Variants in NRXN3 observed in about 807,000 individuals in gnomAD.
NRXN3 encodes the protein neurexin III.
NRXN3 carries 32 observed loss-of-function variants against 137.6 expected under a neutral mutation model. That is an observed-to-expected ratio of 0.23 (90% CI 0.18 to 0.31). The LOEUF is 0.31. Ranked by LOEUF, NRXN3 falls within the 10% of genes least tolerant of loss-of-function variation. The pLI, the probability that NRXN3 is intolerant of heterozygous loss-of-function variation, is 1.00. For missense variants in NRXN3, 1,574 were observed against 2,062.5 expected, an observed-to-expected ratio of 0.76 and a Z score of 4.59; for synonymous variants, 798 against 784.5, an observed-to-expected ratio of 1.02 and a Z score of -0.29.
intron 10 of NRXN3, among the ~76,000 whole-genome samples, chr14:78,913,114 A>G (rs2099243927): frequency 6.6e-6 from 1 of 152,102 alleles, no homozygotes. Flanking sequence ...TACAATCTTG[A>G]TAAGATCTAC....
chr14:79,313,944 T>C (rs958735153), intron 15 of NRXN3: 2 of 147,110 alleles, frequency 1.4e-5, no homozygotes, highest in African/African-American at 5.1e-5. Context: ...CTCGTCAAAA[T>C]CATTCTCCAT....
At chr14:78,943,072 A>G (rs1041146289) in intron 10 of NRXN3, among the ~76,000 whole-genome samples, 1 of 152,158 alleles carries the variant, frequency 6.6e-6, no homozygotes, top group Admixed American at 6.5e-5. Flanking sequence ...CAAAAATTAA[A>G]TTGGAGTTAT....
chr14:78,434,630 G>C (rs2094000444), intron 4 of NRXN3, among the ~76,000 whole-genome samples: 1 of 152,138 alleles, frequency 6.6e-6, no homozygotes, highest in African/African-American at 2.4e-5. Context: ...CAAAGGTGAG[G>C]GTCATTGGAG....
At chr14:78,799,823 T>G (rs2098833176) in intron 8 of NRXN3, among the ~76,000 whole-genome samples, 1 of 152,048 alleles carries the variant, frequency 6.6e-6, no homozygotes, top group Non-Finnish European at 1.5e-5. Flanking sequence ...TATAAAACCA[T>G]CAGATCTTAT....
intron 15 of NRXN3, among the ~76,000 whole-genome samples, chr14:79,353,132 A>T (rs1165870009): frequency 6.6e-6 from 1 of 152,108 alleles, no homozygotes; most frequent in East Asian, 1.9e-4. Context: ...CAAATATTTC[A>T]ATACTAATTT....
intron 4 of NRXN3, among the ~76,000 whole-genome samples, chr14:78,566,959 A>G (rs552028216): frequency 5.9e-5 from 9 of 152,304 alleles, no homozygotes; most frequent in African/African-American, 2.2e-4. Flanking sequence ...GGATTGCTTG[A>G]ATCCTCAGAG....
chr14:78,201,506 C>T (rs534242077), intron 1 of NRXN3, among the ~76,000 whole-genome samples: 13 of 152,224 alleles, frequency 8.5e-5, no homozygotes, highest in South Asian at 2.1e-4. Context: ...CTTCCTTGGC[C>T]GTAGACACTG....
chr14:78,503,677 C>T (rs557959363), intron 4 of NRXN3, among the ~76,000 whole-genome samples: 30 of 152,126 alleles, frequency 2.0e-4, no homozygotes, highest in Non-Finnish European at 3.5e-4. Context: ...TTCATTCTTC[C>T]TGACCAGAGG....
At chr14:78,738,177 C>T (rs900739577) in intron 8 of NRXN3, among the ~76,000 whole-genome samples, 1 of 152,210 alleles carries the variant, frequency 6.6e-6, no homozygotes, top group Admixed American at 6.5e-5. Flanking sequence ...TAAACATTCA[C>T]GTCTTCGTTC....
In NRXN3 at chr14:79,680,018, T is replaced by C. The variant is rs1411063825; in HGVS notation, c.3617-12155T>C. Among the ~76,000 whole-genome samples the C allele has an allele frequency of 2.0e-5, 3 of 152,156 alleles. No homozygotes were observed. In the East Asian group the frequency reaches 5.8e-4, roughly 29 times the overall value. ...CTTGATCATTTTGGGGTCTTTACTCTAGAGTCTATCTTTGCTCTAGAGTCT... is the reference window on the plus strand; with the variant it reads ...CTTGATCATTTTGGGGTCTTTACTCCAGAGTCTATCTTTGCTCTAGAGTCT... On this transcript the variant is annotated intron_variant, in intron 17 of 20. Coordinates refer to ENST00000335750, the MANE Select transcript of NRXN3 (RefSeq NM_001330195.2).
At chr14:79,225,363 G>T (rs888580992) in intron 15 of NRXN3, among the ~76,000 whole-genome samples, 6 of 152,074 alleles carry the variant, frequency 3.9e-5, no homozygotes, top group Admixed American at 3.9e-4. Flanking sequence ...TTCCCTACTT[G>T]GCCATAGGAT....
intron 15 of NRXN3, among the ~76,000 whole-genome samples, chr14:79,107,525 G>C (rs1392579672): frequency 3.3e-5 from 5 of 152,150 alleles, no homozygotes; most frequent in Non-Finnish European, 7.3e-5. Flanking sequence ...TTTATATTTT[G>C]AAAGGGTACT....
At chr14:78,908,499 TCTC>T in intron 10 of NRXN3, among the ~76,000 whole-genome samples, 1 of 152,068 alleles carries the variant, frequency 6.6e-6, no homozygotes, top group Non-Finnish European at 1.5e-5. Flanking sequence ...TCAAATCTGT[TCTC>T]ATAGCAATTA....
Position 79,516,161 on chromosome 14 carries a change from T to A in NRXN3, c.3444+48759T>A, listed in dbSNP as rs531769067. Among the ~76,000 whole-genome samples, 3 of 152,288 alleles carry A rather than the reference T, an allele frequency of 2.0e-5. No homozygotes were observed. The East Asian group carries it at 5.8e-4, about 29-fold the overall frequency. On this transcript the variant is annotated intron_variant, in intron 16 of 20. Coordinates refer to ENST00000335750, the MANE Select transcript of NRXN3 (RefSeq NM_001330195.2). ...GCAGATCAATTAAAGTCATTAGCGC[T>A]CCATCTAATGAATGTTGATTTCCAT... is the stretch of plus-strand genomic sequence containing the variant.
rs569682909 is a variant in NRXN3 at position 79,697,969 on chromosome 14, G to A, written c.4014+32G>A. The A allele has an allele frequency of 2.4e-5, 37 of 1,573,906 alleles. No homozygotes were observed. The African/African-American group carries it at 3.9e-4, about 17-fold the overall frequency. ...CTTTTTCCAAGTATTAATTGCGTCT[G>A]TATTTTTATCTTTGCAACATTGTTA... On this transcript the variant is annotated intron_variant, in intron 19 of 20. Transcript: ENST00000335750.
chr14:79,700,049 G>T (rs1281821403), intron 19 of NRXN3, among the ~76,000 whole-genome samples: 1 of 151,962 alleles, frequency 6.6e-6, no homozygotes, highest in African/African-American at 2.4e-5. Flanking sequence ...TCAGAACTCT[G>T]CCCTGTGCTC....
At chr14:78,990,033 A>T (rs1350910703) in intron 15 of NRXN3, among the ~76,000 whole-genome samples, 1 of 149,354 alleles carries the variant, frequency 6.7e-6, no homozygotes, top group Non-Finnish European at 1.5e-5. Context: ...ATTGTGTCTC[A>T]TTCTGGGATG....
At chr14:78,405,618 G>GGGGGT (rs386381907) in intron 4 of NRXN3, among the ~76,000 whole-genome samples, 4 of 142,752 alleles carry the variant, frequency 2.8e-5, no homozygotes, top group Admixed American at 2.8e-4. Context: ...AGGGGCGGGG[G>GGGGGT]GGTTCCGGGT....
intron 15 of NRXN3, among the ~76,000 whole-genome samples, chr14:79,410,727 A>G (rs2095405596): frequency 6.6e-6 from 1 of 152,094 alleles, no homozygotes; most frequent in Admixed American, 6.6e-5. Context: ...GAAGGGGCAC[A>G]CTGTTCAAGA....
Sources: allele counts gnomAD v4.1 joint callset (sites outside exome capture counted in the v4.1 genomes callset), GRCh38; gene constraint gnomAD v4.1.1; transcripts MANE v1.5; gene names NCBI Gene and HGNC (gene_info 2026-07-23, HGNC 2026-07-21).